Variants in HEATR5A observed in about 807,000 individuals in gnomAD.
The protein encoded by HEATR5A is HEAT repeat-containing protein 5A.
HEATR5A carries 178 observed loss-of-function variants against 218.8 expected under a neutral mutation model. That is an observed-to-expected ratio of 0.81 (90% confidence interval 0.72 to 0.92). The LOEUF (loss-of-function observed/expected upper bound fraction) is 0.92. Ranked by LOEUF, HEATR5A falls within the 40% of genes least tolerant of loss-of-function variation. The pLI is 0.00. For synonymous variants in HEATR5A, 864 were observed against 871.6 expected (o/e 0.99, Z 0.15); for missense variants, 2,420 against 2,418.9 (o/e 1.00, Z -0.01).
intron 6 of HEATR5A, 105 bp from the exon 7 acceptor site, chr14:31,389,110 A>C (rs912954658): frequency 2.7e-6 from 3 of 1,101,658 alleles, no homozygotes; most frequent in Non-Finnish European, 3.8e-6. Flanking sequence ...TAAACTAAAA[A>C]TTCAAACAAA....
chr14:31,343,843 A>T, intron 21 of HEATR5A, 53 bp downstream of exon 21: 1 of 1,388,234 alleles, frequency 7.2e-7, no homozygotes, highest in Non-Finnish European at 9.7e-7. Flanking sequence ...ACTGGAATAA[A>T]TCTAAGATTC....
In HEATR5A at chr14:31,398,636, G is replaced by A. The variant is rs80085102; in HGVS notation, c.447+37C>T. ...GGAAAGCATAAACCAATAAAATGCT[G>A]TCTTTTCATTCTTTGGCTGAACTTG... On this transcript the variant is annotated intron_variant, in intron 4 of 35. Transcript: ENST00000543095. 2,433 of 1,135,164 alleles carry A rather than the reference G, an allele frequency of 2.1e-3. 35 individuals carry two copies. The African/African-American group carries it at 0.034, about 16-fold the overall frequency. 70.3% of individuals were successfully genotyped at this position (1,135,164 alleles called of 1,614,324 possible).
intron 1 of HEATR5A, among the ~76,000 whole-genome samples, chr14:31,406,885 G>A (rs1441854661): frequency 6.8e-6 from 1 of 147,000 alleles, no homozygotes; most frequent in East Asian, 2.1e-4. Context: ...CTTGAACCCA[G>A]GAACCCGGGA....
intron 12 of HEATR5A, among the ~76,000 whole-genome samples, chr14:31,374,323 G>T (rs1335849144): frequency 7.0e-6 from 1 of 142,200 alleles, no homozygotes; most frequent in African/African-American, 2.6e-5. Context: ...AAAAAAAAAA[G>T]TGGTAATTGA....
intron 12 of HEATR5A, among the ~76,000 whole-genome samples, chr14:31,373,860 A>C (rs1462231166): frequency 6.6e-6 from 1 of 152,146 alleles, no homozygotes; most frequent in African/African-American, 2.4e-5. Context: ...TGCCTTCTCA[A>C]CATAAAGATG....
Position 31,350,641 on chromosome 14 carries a change from C to G in HEATR5A, c.2488G>C (p.Val830Leu), listed in dbSNP as rs1376407713. The change falls in exon 17 of 36, where the codon GTT (valine) becomes CTT (leucine). Residue 830 changes from valine to leucine, a missense_variant. By Grantham distance (32) the Val-to-Leu change is conservative. Transcript: ENST00000543095. ...GARQQVVQLH[V>L]VSSVSSFLKY... ...AAGAAACTAGAAACTGAAGAAACAACATGTAACTGAACCACTTGCTGACGA... is the reference window on the plus strand; with the variant it reads ...AAGAAACTAGAAACTGAAGAAACAAGATGTAACTGAACCACTTGCTGACGA... The G allele has an allele frequency of 1.1e-5, 17 of 1,596,938 alleles. No individual in the cohort carries two copies. Among genetic ancestry groups the G allele is most frequent in the Admixed American group, 1.0e-4 (6 of 58,300 alleles).
At chr14:31,294,136 C>T in intron 34 of HEATR5A, 32 bp from the exon 35 acceptor site, 1 of 1,377,358 alleles carries the variant, frequency 7.3e-7, no homozygotes, top group Non-Finnish European at 1.0e-6. Context: ...ATAGCAAATA[C>T]TATAAATAAA....
At chr14:31,364,887 G>A (rs1901746954) in intron 13 of HEATR5A, among the ~76,000 whole-genome samples, 1 of 151,966 alleles carries the variant, frequency 6.6e-6, no homozygotes, top group Non-Finnish European at 1.5e-5. Flanking sequence ...TGTTTGTTTT[G>A]TTTTGAGATG....
intron 11 of HEATR5A, among the ~76,000 whole-genome samples, chr14:31,379,449 C>T (rs1290663524): frequency 4.1e-5 from 6 of 147,298 alleles, no homozygotes; most frequent in African/African-American, 1.5e-4. Context: ...GGGGTTTCAC[C>T]TTGTTGGCCA....
intron 33 of HEATR5A, chr14:31,297,637 T>A (rs1899232240): frequency 6.6e-6 from 1 of 152,076 alleles, no homozygotes; most frequent in South Asian, 2.1e-4. Context: ...TGAATAGGAT[T>A]TATTTTATAA....
intron 1 of HEATR5A, among the ~76,000 whole-genome samples, chr14:31,408,133 G>A (rs891834446): frequency 2.0e-5 from 3 of 152,114 alleles, no homozygotes; most frequent in African/African-American, 7.2e-5. Flanking sequence ...TAGTTACTCA[G>A]TCATCATTTT....
chr14:31,311,679 AT>A (rs1378067719), intron 28 of HEATR5A, among the ~76,000 whole-genome samples: 2,417 of 152,132 alleles, frequency 0.016, 56 homozygotes, highest in African/African-American at 0.055. Flanking sequence ...GTATATATAT[AT>A]ATATAAAAAA....
At chr14:31,315,401 C>T (rs1306277526) in intron 27 of HEATR5A, among the ~76,000 whole-genome samples, 1 of 152,168 alleles carries the variant, frequency 6.6e-6, no homozygotes, top group Non-Finnish European at 1.5e-5. Context: ...CGACTACTTA[C>T]TATTCAAAAA....
chr14:31,381,335 G>A (rs1441055984), intron 10 of HEATR5A, among the ~76,000 whole-genome samples: 1 of 151,936 alleles, frequency 6.6e-6, no homozygotes. Flanking sequence ...GTGGTTAGAG[G>A]TAGTCAAAAT....
chr14:31,412,193 T>C (rs968366577), intron 1 of HEATR5A, among the ~76,000 whole-genome samples: 3 of 152,160 alleles, frequency 2.0e-5, no homozygotes, highest in Non-Finnish European at 2.9e-5. Flanking sequence ...ATATATAATT[T>C]CCACTATCAA....
In HEATR5A at chr14:31,315,949, C is replaced by T; in HGVS notation, c.4039G>A (p.Val1347Ile). 2 of 1,530,782 alleles carry T rather than the reference C, an allele frequency of 1.3e-6. No homozygotes were observed. The highest frequency in any genetic ancestry group is 1.8e-6 in the Non-Finnish European group (2 of 1,138,142). 94.8% of individuals were successfully genotyped at this position (1,530,782 alleles called of 1,614,324 possible). ...CCACTTGCTATCCAGGCACTGCAAA[C>T]CTAGTTTTCAAGAAATTAAAAGTTA... ...PPDVTAKACQ[V>I]CSAWIASGVV... The change falls in exon 27 of 36, where the codon GTT (valine) becomes ATT (isoleucine). Residue 1347 changes from valine to isoleucine, a missense_variant and splice_region_variant. Coordinates refer to ENST00000543095, the MANE Select transcript of HEATR5A (RefSeq NM_015473.4).
rs61743201 is a variant in HEATR5A, at chr14:31,386,519, C to A, written c.1246G>T (p.Ala416Ser). ...ETRLGSTDVA[A>S]SQHMLVCALQ... is the part of the protein sequence containing the mutation. ...GCACAAACCAGCATATGTTGGCTAG[C>A]GGCTACATCTGTGGAACCAAGCCGG... Residue 416 changes from alanine (A) to serine (S), a missense_variant, in exon 9 of 36, where the codon GCT becomes TCT. By Grantham distance (99) the Ala-to-Ser change is moderately conservative. Coordinates refer to ENST00000543095, the MANE Select transcript of HEATR5A (RefSeq NM_015473.4). 6.2e-7 allele frequency: 1 copy of A among 1,606,582 alleles called. No individual in the cohort carries two copies. The highest frequency in any genetic ancestry group is 1.3e-5 in the African/African-American group (1 of 74,586).
intron 15 of HEATR5A, 31 bp downstream of exon 15, chr14:31,358,863 G>A: frequency 6.2e-7 from 1 of 1,607,014 alleles, no homozygotes; most frequent in Admixed American, 1.7e-5. Flanking sequence ...ATCACAGATT[G>A]AATCTAATCA....
At chr14:31,356,922 T>C (rs970051988) in intron 16 of HEATR5A, among the ~76,000 whole-genome samples, 3 of 152,216 alleles carry the variant, frequency 2.0e-5, no homozygotes, top group Admixed American at 6.5e-5. Flanking sequence ...TTAATTTAAA[T>C]CCTTTGCTTA....
Sources: allele counts gnomAD v4.1 joint callset (sites outside exome capture counted in the v4.1 genomes callset), GRCh38; gene constraint gnomAD v4.1.1; transcripts MANE v1.5; gene names NCBI Gene and HGNC (gene_info 2026-07-23, HGNC 2026-07-21).